RBFOX1: variants seen among roughly 807,000 people sequenced by gnomAD.
The protein encoded by RBFOX1 is RNA binding protein fox-1 homolog 1.
Under a neutral mutation model 57.7 loss-of-function variants are expected in RBFOX1, and 8 were observed. That is an observed-to-expected ratio of 0.14 (90% CI 0.08 to 0.25). The LOEUF is 0.25. Among genes scored for constraint, RBFOX1 ranks in the 10% least tolerant of loss-of-function variants. The probability of loss-of-function intolerance (pLI) is 1.00; values close to 1 mark genes in which losing one functional copy is unlikely to be tolerated. For missense variants in RBFOX1, 611 were observed against 548.5 expected (o/e 1.11, Z -1.14); for synonymous variants, 326 against 222.4 (o/e 1.47, Z -4.15).
chr16:7,238,686 C>G (rs539267560), intron 4 of RBFOX1, among the ~76,000 whole-genome samples: 3 of 152,136 alleles, frequency 2.0e-5, no homozygotes, highest in Admixed American at 6.5e-5. Flanking sequence ...AGGCTTGTTA[C>G]ATAGGTAAAC....
At chr16:7,509,121 C>A (rs1358697826) in intron 4 of RBFOX1, among the ~76,000 whole-genome samples, 1 of 152,098 alleles carries the variant, frequency 6.6e-6, no homozygotes, top group Non-Finnish European at 1.5e-5. Context: ...CTTGTTTTTG[C>A]TCACTGGGAG....
intron 2 of RBFOX1, among the ~76,000 whole-genome samples, chr16:6,372,631 T>G (rs1377111146): frequency 6.8e-6 from 1 of 147,216 alleles, no homozygotes; most frequent in Non-Finnish European, 1.5e-5. Context: ...AGGAGTTTTG[T>G]TGGGTGGAAA....
chr16:6,922,984 A>C (rs935232683), intron 3 of RBFOX1, among the ~76,000 whole-genome samples: 1 of 152,204 alleles, frequency 6.6e-6, no homozygotes, highest in African/African-American at 2.4e-5. Flanking sequence ...GGTGCCTTTA[A>C]TACACAAACT....
intron 2 of RBFOX1, among the ~76,000 whole-genome samples, chr16:6,626,106 A>G (rs1403491529): frequency 1.3e-5 from 2 of 150,842 alleles, no homozygotes; most frequent in Non-Finnish European, 2.9e-5. Flanking sequence ...TTAGTTTTGT[A>G]CCAACATTGC....
chr16:7,139,176 C>CTCTCTCTCTCTCTCTCTGTGTGTGTGTG (rs372381673), intron 4 of RBFOX1, among the ~76,000 whole-genome samples: 285 of 145,894 alleles, frequency 2.0e-3, no homozygotes, highest in African/African-American at 6.8e-3. Flanking sequence ...CAATCTCTCT[C>CTCTCTCTCTCTCTCTCTGTGTGTGTGTG]TGTGTGTGTG....
At chr16:6,407,581 G>GAGAA (rs2093331782) in intron 2 of RBFOX1, among the ~76,000 whole-genome samples, 1 of 145,356 alleles carries the variant, frequency 6.9e-6, no homozygotes, top group Non-Finnish European at 1.5e-5. Context: ...GAGAGAGAGA[G>GAGAA]AGAGAGAGAG....
At chr16:5,743,544 T>A (rs1480325686) in intron 3 of RBFOX1, among the ~76,000 whole-genome samples, 14 of 152,228 alleles carry the variant, frequency 9.2e-5, no homozygotes, top group African/African-American at 3.1e-4. Context: ...ATTAAAATGA[T>A]CATTTTTTGC....
At chr16:7,479,381 T>A (rs1398885138) in intron 4 of RBFOX1, among the ~76,000 whole-genome samples, 1 of 152,102 alleles carries the variant, frequency 6.6e-6, no homozygotes, top group Non-Finnish European at 1.5e-5. Flanking sequence ...TCCTCTGGCT[T>A]GGCCTCCCAA....
At chr16:5,741,079 G>A (rs151338135) in intron 3 of RBFOX1, among the ~76,000 whole-genome samples, 1 of 152,168 alleles carries the variant, frequency 6.6e-6, no homozygotes, top group African/African-American at 2.4e-5. Context: ...GACCAGGAAG[G>A]GTGGAGTCAC....
At chr16:7,214,212 C>T (rs922369292) in intron 4 of RBFOX1, among the ~76,000 whole-genome samples, 2 of 152,120 alleles carry the variant, frequency 1.3e-5, no homozygotes, top group African/African-American at 2.4e-5. Flanking sequence ...GATATGTCAC[C>T]CCTACAATTT....
chr16:7,043,686 G>A (rs2046932909), intron 3 of RBFOX1, among the ~76,000 whole-genome samples: 1 of 152,092 alleles, frequency 6.6e-6, no homozygotes, highest in South Asian at 2.1e-4. Context: ...TTCTATTATT[G>A]TGGACATGAA....
At position 6,824,983 on chromosome 16, in the gene RBFOX1, G is replaced by GTTTTTTTTTTTTTTTTTTTTTTTT. The variant is rs151177772; in HGVS notation, c.-16+170341_-16+170364dup. Among the ~76,000 whole-genome samples, 31 of 36,914 alleles carry GTTTTTTTTTTTTTTTTTTTTTTTT rather than the reference G, an allele frequency of 8.4e-4. 6 individuals are homozygous for GTTTTTTTTTTTTTTTTTTTTTTTT. The highest frequency in any genetic ancestry group is 1.7e-3 in the Non-Finnish European group (28 of 16,932). 24.2% of individuals were successfully genotyped at this position (36,914 alleles called of 152,430 possible). ...GGATTTCTTTTTTCTTTCTTTCTTG[G>GTTTTTTTTTTTTTTTTTTTTTTTT]TTTTTTTTTTTTTTTTTTTTTTTTT... On this transcript the variant is annotated intron_variant, in intron 3 of 15. Coordinates refer to ENST00000550418, the MANE Select transcript of RBFOX1 (RefSeq NM_018723.4).
intron 1 of RBFOX1, among the ~76,000 whole-genome samples, chr16:6,135,181 C>T (rs1457249289): frequency 2.0e-5 from 3 of 152,154 alleles, no homozygotes; most frequent in Non-Finnish European, 4.4e-5. Flanking sequence ...TTCTGACTGG[C>T]TAAGCATTCA....
intron 4 of RBFOX1, among the ~76,000 whole-genome samples, chr16:7,353,834 A>G (rs2097169113): frequency 1.3e-5 from 2 of 152,150 alleles, no homozygotes; most frequent in African/African-American, 2.4e-5. Context: ...CCTTTTATGG[A>G]TATGGATTTT....
At chr16:5,872,748 A>G (rs1305586956) in intron 4 of RBFOX1, among the ~76,000 whole-genome samples, 2 of 152,266 alleles carry the variant, frequency 1.3e-5, no homozygotes, top group East Asian at 3.9e-4. Context: ...AAAAAAAGAA[A>G]AAAAGAAAGA....
chr16:6,778,052 C>G (rs2079684838), intron 3 of RBFOX1, among the ~76,000 whole-genome samples: 1 of 152,064 alleles, frequency 6.6e-6, no homozygotes, highest in Non-Finnish European at 1.5e-5. Flanking sequence ...TAAATCTTGT[C>G]ATTTCAACAT....
chr16:6,550,567 G>C (rs1861216), intron 2 of RBFOX1, among the ~76,000 whole-genome samples: 149,958 of 152,084 alleles, frequency 0.99, 73,971 homozygotes, highest in Middle Eastern at 1. Context: ...CTCAAGTGAT[G>C]CACCTGCCTC....
At chr16:6,971,344 C>T (rs1418334097) in intron 3 of RBFOX1, among the ~76,000 whole-genome samples, 1 of 152,034 alleles carries the variant, frequency 6.6e-6, no homozygotes, top group Non-Finnish European at 1.5e-5. Context: ...AAGAGCAATC[C>T]AGGCAGCAGG....
At chr16:7,229,565 A>AG (rs2093355801) in intron 4 of RBFOX1, among the ~76,000 whole-genome samples, 1 of 134,998 alleles carries the variant, frequency 7.4e-6, no homozygotes, top group South Asian at 2.8e-4. Flanking sequence ...GAAGGAAGGG[A>AG]GGGAGGGGAA....
Sources: gnomAD v4.1 joint callset for allele counts (sites outside exome capture counted in the v4.1 genomes callset) on GRCh38, gnomAD v4.1.1 for gene constraint, MANE v1.5 for transcripts, NCBI Gene and HGNC (gene_info 2026-07-23, HGNC 2026-07-21) for gene names.